The following MTSS1 variants were observed in gnomAD, a reference collection of about 807,000 sequenced individuals.
The protein encoded by MTSS1 is MTSS I-BAR domain containing 1, also known as protein MTSS 1.
In MTSS1, 18 loss-of-function variants were observed where a neutral mutation model predicts 79.0. That is an observed-to-expected ratio of 0.23 (90% CI 0.16 to 0.34). The LOEUF is 0.34. MTSS1 is among the 10% of genes least tolerant of loss of function. The pLI, the probability that MTSS1 is intolerant of heterozygous loss-of-function variation, is 1.00. For synonymous variants in MTSS1, 341 were observed against 368.6 expected, an observed-to-expected ratio of 0.93 and a Z score of 0.86; for missense variants, 815 against 986.2, an observed-to-expected ratio of 0.83 and a Z score of 2.33.
At chr8:124,654,440 T>C (rs1280749632) in intron 3 of MTSS1, among the ~76,000 whole-genome samples, 1 of 152,158 alleles carries the variant, frequency 6.6e-6, no homozygotes, top group African/African-American at 2.4e-5. Context: ...TGAGGCATAT[T>C]AACGAGTTCT....
intron 3 of MTSS1, among the ~76,000 whole-genome samples, chr8:124,601,093 C>T (rs952145101): frequency 2.3e-5 from 3 of 128,624 alleles, no homozygotes; most frequent in Non-Finnish European, 4.7e-5. Flanking sequence ...TTGAGTCTCA[C>T]TCTGTTGCCT....
chr8:124,600,503 C>T (rs987563343), intron 3 of MTSS1, among the ~76,000 whole-genome samples: 1 of 152,182 alleles, frequency 6.6e-6, no homozygotes, highest in Non-Finnish European at 1.5e-5. Context: ...TTCCTGAAGG[C>T]AGGGGCTGGA....
intron 3 of MTSS1, among the ~76,000 whole-genome samples, chr8:124,687,611 C>T (rs1196298982): frequency 1.3e-5 from 2 of 152,148 alleles, no homozygotes; most frequent in Non-Finnish European, 2.9e-5. Flanking sequence ...CTTTTGTCTG[C>T]CCTCAAGCCC....
chr8:124,658,081 C>G (rs899824346), intron 3 of MTSS1, among the ~76,000 whole-genome samples: 2 of 152,152 alleles, frequency 1.3e-5, no homozygotes, highest in South Asian at 4.1e-4. Context: ...AGGGCCCTCA[C>G]CAGGAGCCAA....
At chr8:124,643,142 TCCAAAGAAGCATTTGGCAATA>T (rs1449056032) in intron 3 of MTSS1, among the ~76,000 whole-genome samples, 1 of 152,080 alleles carries the variant, frequency 6.6e-6, no homozygotes, top group East Asian at 1.9e-4. Context: ...TAATAAGACT[TCCAAAGAAGCATTTGGCAATA>T]CAACAGAAGC....
chr8:124,623,789 A>G (rs1431145760), intron 3 of MTSS1, among the ~76,000 whole-genome samples: 3 of 152,098 alleles, frequency 2.0e-5, no homozygotes, highest in African/African-American at 7.2e-5. Flanking sequence ...ACAGGCCCAC[A>G]CCACCACACC....
At chr8:124,627,107 A>T (rs75660599) in intron 3 of MTSS1, among the ~76,000 whole-genome samples, 8,189 of 151,934 alleles carry the variant, frequency 0.054, 342 homozygotes, top group East Asian at 0.14. Flanking sequence ...CAAGGCTGCC[A>T]CCAGGGTCTC....
At chr8:124,596,927 T>C (rs1367947645) in intron 3 of MTSS1, among the ~76,000 whole-genome samples, 1 of 152,136 alleles carries the variant, frequency 6.6e-6, no homozygotes, top group African/African-American at 2.4e-5. Flanking sequence ...CCCAGTCCTA[T>C]TGGATTAGGG....
In MTSS1 at chr8:124,553,279, G is replaced by T; in HGVS notation, c.1981C>A (p.Pro661Thr). The T allele has an allele frequency of 1.9e-6, 3 of 1,614,198 alleles. No individual in the cohort carries two copies. Among genetic ancestry groups the T allele is most frequent in the Non-Finnish European group, 2.5e-6 (3 of 1,180,044 alleles). Residue 661 changes from proline to threonine, a missense_variant, in exon 14 of 14, where the codon CCC becomes ACC. Coordinates refer to ENST00000518547, the MANE Select transcript of MTSS1 (RefSeq NM_014751.6). The surrounding 1 kb of genome is among the most constrained non-coding windows in gnomAD (Gnocchi z 6.0). ...GCTTGGCCGCTCCACATTGAGGAGGGCATGCTGGTGACACCTTGGGGGCCC... is the reference window on the plus strand; with the variant it reads ...GCTTGGCCGCTCCACATTGAGGAGGTCATGCTGGTGACACCTTGGGGGCCC... The part of the protein sequence containing the change: ...GEGPQGVTSM[P>T]SSMWSGQASV...
chr8:124,651,395 A>C (rs1819932440), intron 3 of MTSS1, among the ~76,000 whole-genome samples: 2 of 151,956 alleles, frequency 1.3e-5, no homozygotes, highest in African/African-American at 4.8e-5. Flanking sequence ...ACAATCATAT[A>C]AATTGTATTT....
chr8:124,617,484 G>A (rs1486652467), intron 3 of MTSS1, among the ~76,000 whole-genome samples: 1 of 152,194 alleles, frequency 6.6e-6, no homozygotes, highest in Non-Finnish European at 1.5e-5. Flanking sequence ...GAGCTGGGAA[G>A]GTTCTTAAAA....
chr8:124,649,129 C>T (rs945043887), intron 3 of MTSS1, among the ~76,000 whole-genome samples: 8 of 152,380 alleles, frequency 5.3e-5, no homozygotes, highest in African/African-American at 1.9e-4. Context: ...AGGCCAAATC[C>T]GGCCCACTGC....
chr8:124,661,269 C>T lies in MTSS1; in HGVS notation c.208+38257G>A, dbSNP rs371215619. Among the ~76,000 whole-genome samples, 106 of 151,496 alleles carry T rather than the reference C, an allele frequency of 7.0e-4. 1 individual carries two copies. The South Asian group carries it at 0.01, about 15-fold the overall frequency. On this transcript the variant is annotated intron_variant, in intron 3 of 13. Transcript: ENST00000518547. Reference sequence around the variant, plus strand: ...ACCTTAGGAAAATGGTCCCCATACACGCACTACCCAGAAACAACACCAATG... The same window carrying T: ...ACCTTAGGAAAATGGTCCCCATACATGCACTACCCAGAAACAACACCAATG...
chr8:124,589,038 T>C (rs150864250), intron 5 of MTSS1, among the ~76,000 whole-genome samples: 1 of 150,656 alleles, frequency 6.6e-6, no homozygotes, highest in African/African-American at 2.4e-5. Context: ...TTTTCTTTTT[T>C]TTTGTTTTTT....
intron 3 of MTSS1, among the ~76,000 whole-genome samples, chr8:124,645,108 C>CTA (rs1057329863): frequency 4.6e-5 from 7 of 152,154 alleles, no homozygotes; most frequent in African/African-American, 1.7e-4. Context: ...TGGCTCACAC[C>CTA]TATAATCCCA....
chr8:124,662,848 G>A (rs1370405351), intron 3 of MTSS1, among the ~76,000 whole-genome samples: 1 of 152,064 alleles, frequency 6.6e-6, no homozygotes, highest in Non-Finnish European at 1.5e-5. Context: ...CAATTGTCGT[G>A]GTATCCAAGG....
intron 3 of MTSS1, among the ~76,000 whole-genome samples, chr8:124,637,590 A>ACCTTGG (rs1817250878): frequency 6.6e-6 from 1 of 152,074 alleles, no homozygotes; most frequent in Non-Finnish European, 1.5e-5. Context: ...CACTCGCAAA[A>ACCTTGG]CCTTGGCCTT....
chr8:124,703,202 G>C (rs1335946536), intron 2 of MTSS1, among the ~76,000 whole-genome samples: 1 of 152,068 alleles, frequency 6.6e-6, no homozygotes, highest in Non-Finnish European at 1.5e-5. Flanking sequence ...AGCAACCAAT[G>C]ATCAACATCT....
intron 3 of MTSS1, among the ~76,000 whole-genome samples, chr8:124,636,822 C>G (rs143307658): frequency 2.0e-5 from 3 of 152,288 alleles, no homozygotes; most frequent in African/African-American, 7.2e-5. Context: ...CGGGACCTTG[C>G]ACGATGACCT....
Sources: allele counts gnomAD v4.1 joint callset (sites outside exome capture counted in the v4.1 genomes callset), GRCh38; gene constraint gnomAD v4.1.1; non-coding constraint Gnocchi (gnomAD v3.1); transcripts MANE v1.5; gene names NCBI Gene and HGNC (gene_info 2026-07-23, HGNC 2026-07-21).